Variants in ADGRV1 observed in about 807,000 individuals in gnomAD.
ADGRV1 encodes the protein adhesion G protein-coupled receptor V1, also known as G-protein coupled receptor 98.
A neutral mutation model predicts 596.2 loss-of-function variants in ADGRV1; 359 were observed. The ratio of observed to expected loss-of-function variants is 0.60; its 90% CI spans 0.55 to 0.66. The LOEUF is 0.66. Ranked by LOEUF, ADGRV1 falls within the 30% of genes least tolerant of loss-of-function variation. The pLI is 0.00. For missense variants in ADGRV1, 7,274 were observed against 7,575.6 expected (o/e 0.96, Z 1.48); for synonymous variants, 2,681 against 2,679.2 (o/e 1.00, Z -0.02).
chr5:90,628,918 G>A lies in ADGRV1; in HGVS notation c.1509+86G>A, dbSNP rs577307434. 3.2e-4 allele frequency: 405 copies of A among 1,259,316 alleles called. 1 individual carries two copies. In the African/African-American group the frequency reaches 4.8e-3, roughly 15 times the overall value. 78.0% of individuals were successfully genotyped at this position (1,259,316 alleles called of 1,614,324 possible). On this transcript the variant is annotated intron_variant, in intron 8 of 89. Coordinates refer to ENST00000405460, the MANE Select transcript of ADGRV1 (RefSeq NM_032119.4). ...ATTTGGTCATACACATCAACTTTAT[G>A]TTTAGTTTGAAGGGACAGGAAAAAC...
chr5:90,867,941 C>A (rs1581373259), intron 83 of ADGRV1, among the ~76,000 whole-genome samples: 1 of 152,106 alleles, frequency 6.6e-6, no homozygotes, highest in Admixed American at 6.6e-5. Flanking sequence ...AAAATTAAAT[C>A]TTGCTTTGAA....
In ADGRV1 at chr5:90,886,653, T is replaced by A. The variant is rs541997163; in HGVS notation, c.17856+22796T>A. 2.6e-5 allele frequency among the ~76,000 whole-genome samples: 4 copies of A among 152,308 alleles called. No individual in the cohort carries two copies. The East Asian group carries it at 7.7e-4, about 29-fold the overall frequency. On this transcript the variant is annotated intron_variant, in intron 83 of 89. Coordinates refer to ENST00000405460, the MANE Select transcript of ADGRV1 (RefSeq NM_032119.4). ...GCTCTGGTCTTATATACTCTGTTGC[T>A]CCTTGATAGCTCTTCTTGGATGTCT...
At chr5:90,654,934 A>G (rs1769185646) in intron 20 of ADGRV1, 1 of 152,174 alleles carries the variant, frequency 6.6e-6, no homozygotes, top group Non-Finnish European at 1.5e-5. Flanking sequence ...GATTGGGGGA[A>G]GTGGGAGCTG....
intron 19 of ADGRV1, 102 bp downstream of exon 19, chr5:90,652,665 G>A (rs1300255279): frequency 1.4e-6 from 1 of 698,566 alleles, no homozygotes; most frequent in Non-Finnish European, 2.3e-6. Flanking sequence ...AATGCAATTG[G>A]TGAAGTATTT....
At chr5:91,125,042 A>C (rs994820173) in intron 87 of ADGRV1, among the ~76,000 whole-genome samples, 1 of 152,208 alleles carries the variant, frequency 6.6e-6, no homozygotes, top group Non-Finnish European at 1.5e-5. Flanking sequence ...GCCACGGGGC[A>C]GTGCAGACCT....
At chr5:91,136,275 C>T (rs1045917671) in intron 87 of ADGRV1, among the ~76,000 whole-genome samples, 1 of 152,160 alleles carries the variant, frequency 6.6e-6, no homozygotes, top group Non-Finnish European at 1.5e-5. Context: ...AAGAATAAAC[C>T]TTATTGGTGA....
intron 50 of ADGRV1, 86 bp downstream of exon 50, chr5:90,729,850 C>A: frequency 3.0e-6 from 4 of 1,340,040 alleles, no homozygotes; most frequent in African/African-American, 1.5e-5. Flanking sequence ...GATTTAGTAT[C>A]ACATTGCCAG....
At chr5:90,732,344 GACAA>G (rs1384748379) in intron 50 of ADGRV1, among the ~76,000 whole-genome samples, 2 of 152,034 alleles carry the variant, frequency 1.3e-5, no homozygotes, top group African/African-American at 2.4e-5. Flanking sequence ...AGGCTTGATT[GACAA>G]ACATTGTTTA....
chr5:91,059,576 C>A lies in ADGRV1; in HGVS notation c.18153-12871C>A, dbSNP rs552953277. 9.2e-5 allele frequency among the ~76,000 whole-genome samples: 14 copies of A among 152,300 alleles called. No individual in the cohort carries two copies. In the South Asian group the frequency reaches 2.9e-3, roughly 32 times the overall value. On this transcript the variant is annotated intron_variant, in intron 85 of 89. Coordinates refer to ENST00000405460, the MANE Select transcript of ADGRV1 (RefSeq NM_032119.4). ...TAGTTTAGGGCAGTTCAAATTGGGACTTTTAAAATGTTGCCTCTACATATG... is the reference window on the plus strand; with the variant it reads ...TAGTTTAGGGCAGTTCAAATTGGGAATTTTAAAATGTTGCCTCTACATATG...
At position 90,924,450 on chromosome 5, in the gene ADGRV1, T is replaced by C. The variant is rs570824899; in HGVS notation, c.17857-40965T>C. Among the ~76,000 whole-genome samples, 14 of 152,094 alleles carry C rather than the reference T, an allele frequency of 9.2e-5. No homozygotes were observed. The South Asian group carries it at 2.3e-3, about 25-fold the overall frequency. The stretch of plus-strand genomic sequence containing the variant: ...TCTTCTTTTGAGAAGTGTCTGTTCA[T>C]GTCCTTCGCCCACTTTTTGAGGGGG... On this transcript the variant is annotated intron_variant, in intron 83 of 89. Transcript: ENST00000405460.
rs115036180 is a variant in ADGRV1 at position 90,913,823 on chromosome 5, G to T, written c.17856+49966G>T. Among the ~76,000 whole-genome samples the T allele has an allele frequency of 4.5e-3, 691 of 152,234 alleles. 3 individuals are homozygous for T. The highest frequency in any genetic ancestry group is 0.015 in the African/African-American group (638 of 41,544). ...ACCAAAAGGCACTTTCAAGATTCAT[G>T]TGTTTGCTTTATTTAAAAATATCTA... On this transcript the variant is annotated intron_variant, in intron 83 of 89. Coordinates refer to ENST00000405460, the MANE Select transcript of ADGRV1 (RefSeq NM_032119.4).
At chr5:90,561,376 A>G (rs1471049940) in intron 1 of ADGRV1, among the ~76,000 whole-genome samples, 2 of 152,156 alleles carry the variant, frequency 1.3e-5, no homozygotes, top group Non-Finnish European at 2.9e-5. Context: ...TTAAGGCCAC[A>G]TATTTTAGTC....
At position 90,915,655 on chromosome 5, in the gene ADGRV1, A is replaced by G. The variant is rs75875451; in HGVS notation, c.17857-49760A>G. ...GTTCTAAAATTAGCCACTGTGATCAATGCATGCTACCAAGGGGGTGCTGCT... is the reference window on the plus strand; with the variant it reads ...GTTCTAAAATTAGCCACTGTGATCAGTGCATGCTACCAAGGGGGTGCTGCT... On this transcript the variant is annotated intron_variant, in intron 83 of 89. Transcript: ENST00000405460. Among the ~76,000 whole-genome samples, 594 of 152,286 alleles carry G rather than the reference A, an allele frequency of 3.9e-3. 1 individual carries two copies. The highest frequency in any genetic ancestry group is 7.0e-3 in the Non-Finnish European group (475 of 68,022).
intron 1 of ADGRV1, among the ~76,000 whole-genome samples, chr5:90,602,270 T>A (rs1277456375): frequency 6.6e-6 from 1 of 152,188 alleles, no homozygotes; most frequent in African/African-American, 2.4e-5. Context: ...TTTGTTTGAT[T>A]TAACGGAAAA....
intron 85 of ADGRV1, among the ~76,000 whole-genome samples, chr5:91,021,360 A>C (rs1417244601): frequency 1.3e-5 from 2 of 152,016 alleles, no homozygotes; most frequent in African/African-American, 4.8e-5. Context: ...TGGTGGTATT[A>C]TTTTTCTCCC....
Position 90,823,490 on chromosome 5 carries a change from A to C in ADGRV1, c.16262A>C (p.Lys5421Thr). The C allele has an allele frequency of 6.2e-7, 1 of 1,613,978 alleles. No homozygotes were observed. Among genetic ancestry groups the C allele is most frequent in the Non-Finnish European group, 8.5e-7 (1 of 1,179,874 alleles). The change falls in exon 76 of 90, where the codon AAG becomes ACG. Residue 5421 changes from lysine to threonine, a missense_variant. By Grantham distance (78) the Lys-to-Thr change is moderately conservative (BLOSUM62 -1). Transcript: ENST00000405460. ...TLNKTVVVLQ[K>T]DGVNLVEELQ... ...AACAAAACAGTCGTCGTGCTCCAGA[A>C]GGATGGGGTAAACCTGGTGGAGGAA...
intron 85 of ADGRV1, among the ~76,000 whole-genome samples, chr5:90,989,903 G>A (rs907531297): frequency 9.2e-5 from 14 of 151,928 alleles, no homozygotes; most frequent in African/African-American, 2.9e-4. Context: ...TGCAACCTCC[G>A]CCTCCCAGGT....
In ADGRV1 at chr5:90,840,667, C is replaced by T; in HGVS notation, c.16701C>T (p.Val5567=). 1 of 1,613,964 alleles carries T rather than the reference C, an allele frequency of 6.2e-7. No individual in the cohort carries two copies. Among genetic ancestry groups the T allele is most frequent in the Non-Finnish European group, 8.5e-7 (1 of 1,179,848 alleles). ...KDFVITEGTL[V]FEPGQRSTVL... ...TTGTGATAACTGAAGGCACATTGGT[C>T]TTTGAACCTGGCCAGAGAAGCACTG... Residue 5567 remains valine (V), a synonymous_variant, in exon 78 of 90, where the codon GTC becomes GTT. Coordinates refer to ENST00000405460, the MANE Select transcript of ADGRV1 (RefSeq NM_032119.4).
rs753289125 is a variant in ADGRV1, at chr5:90,690,831, T to C, written c.6741T>C (p.Pro2247=). The C allele has an allele frequency of 4.4e-6, 7 of 1,601,664 alleles. No individual in the cohort carries two copies. In the East Asian group the frequency reaches 1.6e-4, roughly 36 times the overall value. Reference sequence around the variant, plus strand: ...TTACTAAACTTATTGTAGAGGAACCTGAGTTTAACTCAGTGAAGGTAAACC... The same window carrying C: ...TTACTAAACTTATTGTAGAGGAACCCGAGTTTAACTCAGTGAAGGTAAACC... ...FQITKLIVEE[P]EFNSVKVNLP... The change falls in exon 31 of 90, where the codon CCT becomes CCC. Residue 2247 remains proline (P), a synonymous_variant. Coordinates refer to ENST00000405460, the MANE Select transcript of ADGRV1 (RefSeq NM_032119.4).
Sources: allele counts gnomAD v4.1 joint callset (sites outside exome capture counted in the v4.1 genomes callset), GRCh38; gene constraint gnomAD v4.1.1; transcripts MANE v1.5; gene names NCBI Gene and HGNC (gene_info 2026-07-23, HGNC 2026-07-21).